TMEM178B: variants seen among roughly 807,000 people sequenced by gnomAD.
TMEM178B encodes the protein transmembrane protein 178B.
Under a neutral mutation model 31.0 loss-of-function variants are expected in TMEM178B, and 5 were observed. The ratio of observed to expected loss-of-function variants is 0.16; its 90% confidence interval spans 0.08 to 0.34. The LOEUF (loss-of-function observed/expected upper bound fraction) is 0.34. TMEM178B is among the 10% of genes least tolerant of loss of function. TMEM178B has a pLI of 1.00. For missense variants in TMEM178B, 275 were observed against 400.3 expected (o/e 0.69, Z 2.67); for synonymous variants, 164 against 164.0 (o/e 1.00, Z 0.00).
chr7:141,361,877 C>T (rs1055654568), intron 2 of TMEM178B, among the ~76,000 whole-genome samples: 2 of 152,238 alleles, frequency 1.3e-5, no homozygotes, highest in South Asian at 2.1e-4. Context: ...AATTAGCTGC[C>T]TACCAGCACC....
At chr7:141,224,099 C>T (rs954335196) in intron 2 of TMEM178B, among the ~76,000 whole-genome samples, 10 of 152,218 alleles carry the variant, frequency 6.6e-5, no homozygotes, top group Non-Finnish European at 1.0e-4. Flanking sequence ...AAGCGTTTCC[C>T]GTTTTGCTTG....
intron 1 of TMEM178B, among the ~76,000 whole-genome samples, chr7:141,205,697 G>A (rs923546697): frequency 6.6e-6 from 1 of 152,212 alleles, no homozygotes; most frequent in African/African-American, 2.4e-5. Context: ...CTGAACTTAG[G>A]TCCCAGCACT....
chr7:141,269,144 G>T (rs1769551069), intron 2 of TMEM178B, among the ~76,000 whole-genome samples: 1 of 148,110 alleles, frequency 6.8e-6, no homozygotes, highest in Non-Finnish European at 1.5e-5. Context: ...AGGCTGGAGT[G>T]CAGTGGCATG....
intron 2 of TMEM178B, among the ~76,000 whole-genome samples, chr7:141,295,735 G>A (rs937493962): frequency 1.8e-5 from 1 of 56,966 alleles, no homozygotes; most frequent in East Asian, 5.3e-4. Context: ...CAAAGCACAC[G>A]GGGGCCAAGA....
At chr7:141,420,149 A>G (rs1016923044) in intron 2 of TMEM178B, among the ~76,000 whole-genome samples, 19 of 151,800 alleles carry the variant, frequency 1.3e-4, no homozygotes, top group Admixed American at 6.6e-5. Context: ...ATTACAGCTC[A>G]TCCCCCAACC....
intron 1 of TMEM178B, among the ~76,000 whole-genome samples, chr7:141,153,804 A>G (rs1305535246): frequency 2.0e-5 from 3 of 152,194 alleles, no homozygotes; most frequent in Non-Finnish European, 4.4e-5. Flanking sequence ...AGACATAAGC[A>G]TTTTGTCCTA....
chr7:141,150,131 G>C (rs1024656545), intron 1 of TMEM178B, among the ~76,000 whole-genome samples: 3 of 152,142 alleles, frequency 2.0e-5, no homozygotes, highest in African/African-American at 4.8e-5. Context: ...ATCAAGAGTT[G>C]AATATGTGAG....
chr7:141,159,338 C>G (rs757197960), intron 1 of TMEM178B, among the ~76,000 whole-genome samples: 13 of 152,188 alleles, frequency 8.5e-5, no homozygotes, highest in Non-Finnish European at 1.8e-4. Flanking sequence ...CAAATGACCT[C>G]CAGTTTCACT....
rs181474822 is a variant in TMEM178B, at chr7:141,472,762, T to C, written c.*1976T>C. ...CTAACCACTTACCTTCTCTCTCTTC[T>C]ATCTTCCACCCTCATCTGCTCCTTT... On this transcript the variant is annotated 3_prime_UTR_variant, in exon 4 of 4. Transcript: ENST00000565468. 6.6e-6 allele frequency: 1 copy of C among 152,416 alleles called. No homozygotes were observed. Among genetic ancestry groups the C allele is most frequent in the East Asian group, 1.9e-4 (1 of 5,194 alleles). The allele number at this position is 152,416 out of a possible 1,614,324, so 9.4% of individuals were successfully genotyped here.
intron 3 of TMEM178B, among the ~76,000 whole-genome samples, chr7:141,453,173 G>A (rs1249568830): frequency 1.3e-5 from 2 of 152,250 alleles, no homozygotes; most frequent in Non-Finnish European, 2.9e-5. Context: ...CTCATTGTGA[G>A]TGTCTTGGAC....
chr7:141,233,501 T>C (rs1328055194), intron 2 of TMEM178B, among the ~76,000 whole-genome samples: 1 of 152,184 alleles, frequency 6.6e-6, no homozygotes, highest in African/African-American at 2.4e-5. Flanking sequence ...CTTCTTCTAT[T>C]TTGGGCTACT....
chr7:141,197,137 A>T (rs1796795931), intron 1 of TMEM178B, among the ~76,000 whole-genome samples: 1 of 152,250 alleles, frequency 6.6e-6, no homozygotes, highest in South Asian at 2.1e-4. Flanking sequence ...AACAATAGCT[A>T]TAACAATTAT....
At chr7:141,489,688 C>G in the TMEM178B span, among the ~76,000 whole-genome samples, 5 of 152,114 alleles carry the variant, frequency 3.3e-5, no homozygotes, top group Admixed American at 6.6e-5. Context: ...CACACATTTT[C>G]CCGTGTTCTA....
chr7:141,158,022 T>C (rs1392035496), intron 1 of TMEM178B, among the ~76,000 whole-genome samples: 1 of 152,204 alleles, frequency 6.6e-6, no homozygotes. Context: ...CACTCTCTTT[T>C]GCTAACAGAC....
chr7:141,448,377 G>A (rs760971013), intron 3 of TMEM178B, among the ~76,000 whole-genome samples: 15 of 152,236 alleles, frequency 9.9e-5, no homozygotes, highest in Middle Eastern at 3.4e-3. Flanking sequence ...TAATGATTGG[G>A]TAAGAATAAT....
chr7:141,206,149 C>T (rs527997243), intron 1 of TMEM178B, among the ~76,000 whole-genome samples: 1 of 152,154 alleles, frequency 6.6e-6, no homozygotes, highest in Non-Finnish European at 1.5e-5. Flanking sequence ...AGTGCAGGGA[C>T]CACACTTAGT....
chr7:141,186,137 A>G (rs1796606385), intron 1 of TMEM178B, among the ~76,000 whole-genome samples: 1 of 152,192 alleles, frequency 6.6e-6, no homozygotes, highest in Non-Finnish European at 1.5e-5. Context: ...AGAGAAAGCC[A>G]TTATCAACTT....
chr7:141,411,885 G>C (rs1344154091), intron 2 of TMEM178B, among the ~76,000 whole-genome samples: 2 of 152,224 alleles, frequency 1.3e-5, no homozygotes, highest in Non-Finnish European at 2.9e-5. Context: ...ACTGGGAGGA[G>C]GCAGGTCTGG....
chr7:141,448,170 A>G lies in TMEM178B; in HGVS notation c.634+10425A>G, dbSNP rs372124145. Among the ~76,000 whole-genome samples the G allele has an allele frequency of 1.1e-4, 16 of 152,194 alleles. No homozygotes were observed. The East Asian group carries it at 3.1e-3, about 30-fold the overall frequency. On this transcript the variant is annotated intron_variant, in intron 3 of 3. Transcript: ENST00000565468. Reference sequence around the variant, plus strand: ...GTCAAAAGCTACTCCCCAAATATTGAGAACACAACCTGTTAATCAGGAAAA... The same window carrying G: ...GTCAAAAGCTACTCCCCAAATATTGGGAACACAACCTGTTAATCAGGAAAA...
Sources: gnomAD v4.1 joint callset for allele counts (sites outside exome capture counted in the v4.1 genomes callset) on GRCh38, gnomAD v4.1.1 for gene constraint, MANE v1.5 for transcripts, NCBI Gene and HGNC (gene_info 2026-07-23, HGNC 2026-07-21) for gene names.